CDK6: variants seen among roughly 807,000 people sequenced by gnomAD.
CDK6 encodes the protein cyclin-dependent kinase 6.
A neutral mutation model predicts 37.1 loss-of-function variants in CDK6; 6 were observed. The ratio of observed to expected loss-of-function variants is 0.16; its 90% CI spans 0.09 to 0.32. The LOEUF (loss-of-function observed/expected upper bound fraction) is 0.32. Ranked by LOEUF, CDK6 falls within the 10% of genes least tolerant of loss-of-function variation. CDK6 has a pLI of 1.00. For synonymous variants in CDK6, 160 were observed against 161.3 expected (o/e 0.99, Z 0.06); for missense variants, 224 against 418.9 (o/e 0.53, Z 4.06).
chr7:92,786,648 T>C (rs1018180947), intron 2 of CDK6, among the ~76,000 whole-genome samples: 1 of 148,682 alleles, frequency 6.7e-6, no homozygotes, highest in Non-Finnish European at 1.5e-5. Flanking sequence ...TATATATATA[T>C]ATATATATAA....
At chr7:92,797,245 C>T (rs1800437828) in intron 2 of CDK6, among the ~76,000 whole-genome samples, 1 of 152,116 alleles carries the variant, frequency 6.6e-6, no homozygotes, top group Non-Finnish European at 1.5e-5. Context: ...CAGCTAACTC[C>T]CCTCTCCAGG....
chr7:92,622,007 G>GTTT (rs34468342), intron 6 of CDK6, among the ~76,000 whole-genome samples: 2 of 139,208 alleles, frequency 1.4e-5, no homozygotes, highest in African/African-American at 2.6e-5. Flanking sequence ...TTTAGGGGTG[G>GTTT]TTTTTTTTTT....
At chr7:92,732,527 C>T (rs1026672695) in intron 3 of CDK6, among the ~76,000 whole-genome samples, 9 of 152,242 alleles carry the variant, frequency 5.9e-5, no homozygotes, top group African/African-American at 1.4e-4. Context: ...TCACTCTGTA[C>T]TTCCTTCCTC....
At chr7:92,707,047 T>C (rs1373101204) in intron 4 of CDK6, among the ~76,000 whole-genome samples, 1 of 152,234 alleles carries the variant, frequency 6.6e-6, no homozygotes, top group Non-Finnish European at 1.5e-5. Flanking sequence ...GTTAGTAATC[T>C]AAACTTTAGT....
intron 4 of CDK6, among the ~76,000 whole-genome samples, chr7:92,685,370 GCAGTGTGGTTGCTGCATGCAAA>G (rs1327571967): frequency 6.6e-6 from 1 of 152,178 alleles, no homozygotes; most frequent in Non-Finnish European, 1.5e-5. Context: ...CGTGTTGGGG[GCAGTGTGGTTGCTGCATGCAAA>G]CACTACTTGA....
At chr7:92,629,944 CTCT>C (rs1796015787) in intron 5 of CDK6, among the ~76,000 whole-genome samples, 1 of 151,982 alleles carries the variant, frequency 6.6e-6, no homozygotes, top group South Asian at 2.1e-4. Flanking sequence ...TCTTTGGTGT[CTCT>C]TCTTATAATG....
In CDK6 at chr7:92,607,179, A is replaced by G. The variant is rs1487186498; in HGVS notation, c.*7961T>C. 1 of 233,360 alleles carries G rather than the reference A, an allele frequency of 4.3e-6. No individual in the cohort carries two copies. The highest frequency in any genetic ancestry group is 5.6e-5 in the Admixed American group (1 of 17,762). 14.5% of individuals were successfully genotyped at this position (233,360 alleles called of 1,614,324 possible). ...AAACTCTCACACTGCTCTCCTCTCA[A>G]CAGTACTGCCTGTTCCCACTACTCC... On this transcript the variant is annotated 3_prime_UTR_variant, in exon 8 of 8. Coordinates refer to ENST00000424848, the MANE Select transcript of CDK6 (RefSeq NM_001145306.2).
chr7:92,669,021 A>G (rs1423015034), intron 5 of CDK6, among the ~76,000 whole-genome samples: 3 of 152,210 alleles, frequency 2.0e-5, no homozygotes, highest in African/African-American at 7.2e-5. Flanking sequence ...TCTCTACCCA[A>G]TGTCTCACTT....
chr7:92,710,278 G>A (rs1798060919), intron 4 of CDK6, among the ~76,000 whole-genome samples: 1 of 152,136 alleles, frequency 6.6e-6, no homozygotes, highest in Non-Finnish European at 1.5e-5. Context: ...AAGAGCTTTT[G>A]GAAAAGATTG....
chr7:92,779,408 G>A (rs886593810), intron 2 of CDK6, among the ~76,000 whole-genome samples: 3 of 152,166 alleles, frequency 2.0e-5, no homozygotes, highest in Admixed American at 1.3e-4. Flanking sequence ...AGTCCATAGA[G>A]CAGAACATTT....
intron 5 of CDK6, among the ~76,000 whole-genome samples, chr7:92,650,415 TTTG>T (rs1796546526): frequency 6.6e-6 from 1 of 152,232 alleles, no homozygotes; most frequent in Non-Finnish European, 1.5e-5. Context: ...TCCACGATCT[TTTG>T]TTGTTTTTTT....
rs1480367741 is a variant in CDK6 at position 92,835,142 on chromosome 7, T to C, written c.-368+1336A>G. Reference sequence around the variant, plus strand: ...CGAGAGCAGAGCTTCTGGCACTCACTACATTCAGAACTTTCCTTAAAAGCC... The same window carrying C: ...CGAGAGCAGAGCTTCTGGCACTCACCACATTCAGAACTTTCCTTAAAAGCC... On this transcript the variant is annotated intron_variant, in intron 1 of 7. Transcript: ENST00000424848. The surrounding 1 kb of genome is among the most constrained non-coding windows in gnomAD (Gnocchi z 4.2). 1.3e-5 allele frequency: 2 copies of C among 152,014 alleles called. No individual in the cohort carries two copies. The highest frequency in any genetic ancestry group is 2.1e-4 in the South Asian group (1 of 4,824). The allele number at this position is 152,014 out of a possible 1,614,324, so 9.4% of individuals were successfully genotyped here.
At chr7:92,737,827 A>G (rs1266142968) in intron 3 of CDK6, among the ~76,000 whole-genome samples, 1 of 152,180 alleles carries the variant, frequency 6.6e-6, no homozygotes, top group African/African-American at 2.4e-5. Context: ...TGGTCAAAAA[A>G]TGGTCTTTAC....
intron 4 of CDK6, among the ~76,000 whole-genome samples, chr7:92,700,481 A>C (rs748963683): frequency 6.6e-6 from 1 of 152,244 alleles, no homozygotes; most frequent in Non-Finnish European, 1.5e-5. Flanking sequence ...AACTGAATCT[A>C]GGATAAGTCC....
At chr7:92,788,404 A>G (rs1211791941) in intron 2 of CDK6, among the ~76,000 whole-genome samples, 1 of 152,216 alleles carries the variant, frequency 6.6e-6, no homozygotes, top group East Asian at 1.9e-4. Context: ...ATGTAAGTGA[A>G]TATTTTAGAT....
intron 4 of CDK6, among the ~76,000 whole-genome samples, chr7:92,722,753 T>G (rs909092716): frequency 2.0e-5 from 3 of 152,250 alleles, no homozygotes; most frequent in Non-Finnish European, 4.4e-5. Flanking sequence ...GTCAATTTAT[T>G]CACTGAAAAA....
chr7:92,813,181 A>G (rs929166931), intron 2 of CDK6, among the ~76,000 whole-genome samples: 2 of 152,230 alleles, frequency 1.3e-5, no homozygotes, highest in Non-Finnish European at 2.9e-5. Context: ...GAAGTCCTTT[A>G]AATCACAAAT....
chr7:92,632,933 CTTTTTTTTT>C (rs397889657), intron 5 of CDK6, among the ~76,000 whole-genome samples: 3 of 108,882 alleles, frequency 2.8e-5, no homozygotes, highest in South Asian at 3.2e-4. Context: ...CTCTAAAGAT[CTTTTTTTTT>C]TTTTTTTTTT....
chr7:92,749,059 C>T (rs1240755350), intron 3 of CDK6, among the ~76,000 whole-genome samples: 3 of 151,776 alleles, frequency 2.0e-5, no homozygotes, highest in East Asian at 3.9e-4. Context: ...CTTAGCCAGG[C>T]GTGGTGGCGC....
Sources: allele counts gnomAD v4.1 joint callset (sites outside exome capture counted in the v4.1 genomes callset), GRCh38; gene constraint gnomAD v4.1.1; non-coding constraint Gnocchi (gnomAD v3.1); transcripts MANE v1.5; gene names NCBI Gene and HGNC (gene_info 2026-07-23, HGNC 2026-07-21).